CFAP77: variants seen among roughly 807,000 people sequenced by gnomAD.
The protein encoded by CFAP77 is cilia- and flagella-associated protein 77.
Under a neutral mutation model 31.1 loss-of-function variants are expected in CFAP77, and 25 were observed. That is an observed-to-expected ratio of 0.80 (90% CI 0.59 to 1.12). The LOEUF (loss-of-function observed/expected upper bound fraction) is 1.12, where lower values mean the gene tolerates loss of function less well. CFAP77 is among the 50% of genes most tolerant of loss of function. The probability of loss-of-function intolerance (pLI) is 0.00; values close to 1 mark genes in which losing one functional copy is unlikely to be tolerated. For missense variants in CFAP77, 377 were observed against 397.3 expected, an observed-to-expected ratio of 0.95 and a Z score of 0.44; for synonymous variants, 151 against 159.9, an observed-to-expected ratio of 0.94 and a Z score of 0.42.
chr9:132,451,059 G>A (rs72765874), intron 1 of CFAP77, among the ~76,000 whole-genome samples: 14,532 of 152,134 alleles, frequency 0.096, 721 homozygotes, highest in African/African-American at 0.14. Flanking sequence ...GAATTGGTCC[G>A]GGCACGGTGC....
rs1004564437 is a variant in CFAP77, at chr9:132,460,902, T to C, written c.196-37793T>C. Among the ~76,000 whole-genome samples, 10 of 152,060 alleles carry C rather than the reference T, an allele frequency of 6.6e-5. 1 individual carries two copies. The highest frequency in any genetic ancestry group is 2.4e-4 in the African/African-American group (10 of 41,390). ...CACCACGCCCAGCTAATTTTTGTAT[T>C]TTTAGTAGAGACGGGGTTTCACCAT... is the stretch of plus-strand genomic sequence containing the variant. On this transcript the variant is annotated intron_variant, in intron 1 of 5. Coordinates refer to ENST00000393216, the MANE Select transcript of CFAP77 (RefSeq NM_001282957.2).
Position 132,565,358 on chromosome 9 carries a change from C to G in CFAP77, c.733-7030C>G. Among the ~76,000 whole-genome samples, 1 of 152,062 alleles carries G rather than the reference C, an allele frequency of 6.6e-6. No homozygotes were observed. The highest frequency in any genetic ancestry group is 1.5e-5 in the Non-Finnish European group (1 of 67,992). ...TAAATAGCTCTTGTCGGCCTGGTGC[C>G]GTGGCTCACGCCTGTAATCCCAGCA... On this transcript the variant is annotated intron_variant, in intron 5 of 5. Transcript: ENST00000393216. This position sits in a 1 kb window ranked among gnomAD's most constrained non-coding sequence, Gnocchi z 4.1.
intron 1 of CFAP77, among the ~76,000 whole-genome samples, chr9:132,442,316 C>T (rs994502339): frequency 6.6e-6 from 1 of 152,232 alleles, no homozygotes; most frequent in East Asian, 1.9e-4. Flanking sequence ...TTTGGGAGGC[C>T]AAGGCACACA....
rs1181097969 is a variant in CFAP77, at chr9:132,497,689, C to T, written c.196-1006C>T. ...GTCGGATCTCTCTGTGCCTCAGCTT[C>T]CCCCTGAGAAACGGGGATGGTAATG... On this transcript the variant is annotated intron_variant, in intron 1 of 5. Transcript: ENST00000393216. The surrounding 1 kb of genome is among the most constrained non-coding windows in gnomAD (Gnocchi z 4.9). 6.6e-6 allele frequency among the ~76,000 whole-genome samples: 1 copy of T among 152,120 alleles called. No homozygotes were observed. The highest frequency in any genetic ancestry group is 1.5e-5 in the Non-Finnish European group (1 of 68,006).
rs1206340891 is a variant in CFAP77 at position 132,486,088 on chromosome 9, A to ATTT, written c.196-12606_196-12605insTTT. Among the ~76,000 whole-genome samples the ATTT allele has an allele frequency of 9.5e-4, 27 of 28,518 alleles. 2 individuals are homozygous for ATTT. Among genetic ancestry groups the ATTT allele is most frequent in the African/African-American group, 3.7e-3 (11 of 2,962 alleles). The allele number at this position is 28,518 out of a possible 152,430, so 18.7% of individuals were successfully genotyped here. On this transcript the variant is annotated intron_variant, in intron 1 of 5. Transcript: ENST00000393216. ...TGTGTATATATATATATATATATAT[A>ATTT]TATTTTTTTTTTTTTTTTTTTTGAG...
At chr9:132,525,353 T>C (rs1293583481) in intron 3 of CFAP77, among the ~76,000 whole-genome samples, 2 of 152,198 alleles carry the variant, frequency 1.3e-5, no homozygotes, top group South Asian at 2.1e-4. Context: ...TATTTTTCTA[T>C]AAAAGTATAA....
intron 1 of CFAP77, among the ~76,000 whole-genome samples, chr9:132,469,253 C>T (rs932151504): frequency 1.1e-4 from 17 of 152,208 alleles, no homozygotes; most frequent in African/African-American, 3.1e-4. Context: ...TTCCCCCAAG[C>T]GCCTTACAAA....
intron 1 of CFAP77, among the ~76,000 whole-genome samples, chr9:132,459,587 G>GTA (rs35659490): frequency 3.5e-3 from 529 of 151,586 alleles, no homozygotes; most frequent in African/African-American, 9.8e-3. Context: ...GTATGTGTAT[G>GTA]TATATATATA....
intron 1 of CFAP77, among the ~76,000 whole-genome samples, chr9:132,488,546 C>T (rs545464266): frequency 6.6e-6 from 1 of 152,164 alleles, no homozygotes; most frequent in Admixed American, 6.5e-5. Context: ...GCGGGTCACT[C>T]GTTTTGAAGA....
intron 5 of CFAP77, among the ~76,000 whole-genome samples, chr9:132,547,108 C>G (rs1852745017): frequency 6.6e-6 from 1 of 152,216 alleles, no homozygotes; most frequent in South Asian, 2.1e-4. Context: ...CTGATGCCCT[C>G]TGTGCCCTGT....
rs534677636 is a variant in CFAP77 at position 132,429,513 on chromosome 9, A to G, written c.195+19047A>G. Among the ~76,000 whole-genome samples, 22 of 130,684 alleles carry G rather than the reference A, an allele frequency of 1.7e-4. No homozygotes were observed. In the East Asian group the frequency reaches 4.0e-3, roughly 24 times the overall value. The allele number at this position is 130,684 out of a possible 152,430, so 85.7% of individuals were successfully genotyped here. Reference sequence around the variant, plus strand: ...AGATCGCACCACCGCACTCTAGCCCAGGTGACAGAACGAGACTTCAACTCA... The same window carrying G: ...AGATCGCACCACCGCACTCTAGCCCGGGTGACAGAACGAGACTTCAACTCA... On this transcript the variant is annotated intron_variant, in intron 1 of 5. Transcript: ENST00000393216.
intron 5 of CFAP77, among the ~76,000 whole-genome samples, chr9:132,549,754 G>A (rs1390273819): frequency 6.6e-6 from 1 of 152,118 alleles, no homozygotes; most frequent in Non-Finnish European, 1.5e-5. Flanking sequence ...CAGAAGAATC[G>A]CTTGAGCCAC....
intron 1 of CFAP77, among the ~76,000 whole-genome samples, chr9:132,467,733 C>T (rs1851179947): frequency 6.6e-6 from 1 of 152,124 alleles, no homozygotes; most frequent in African/African-American, 2.4e-5. Context: ...GGTAGAATCA[C>T]ACGGTAATTC....
intron 1 of CFAP77, among the ~76,000 whole-genome samples, chr9:132,472,432 C>T (rs1282059271): frequency 6.6e-6 from 1 of 152,168 alleles, no homozygotes; most frequent in East Asian, 1.9e-4. Context: ...TAAGTGTGCT[C>T]ATGATGTAGG....
chr9:132,456,427 A>G (rs1389577926), intron 1 of CFAP77, among the ~76,000 whole-genome samples: 2 of 152,184 alleles, frequency 1.3e-5, no homozygotes, highest in Admixed American at 6.5e-5. Context: ...CCTCCTTGGT[A>G]TGGCGCCAGG....
intron 5 of CFAP77, among the ~76,000 whole-genome samples, chr9:132,560,587 G>A (rs1447384708): frequency 6.6e-6 from 1 of 152,192 alleles, no homozygotes; most frequent in Non-Finnish European, 1.5e-5. Flanking sequence ...CATTTTCAAA[G>A]GCACAAATGC....
chr9:132,474,443 T>C (rs1327237439), intron 1 of CFAP77, among the ~76,000 whole-genome samples: 1 of 152,148 alleles, frequency 6.6e-6, no homozygotes, highest in Non-Finnish European at 1.5e-5. Context: ...GGGATAAATG[T>C]GGGGGCTGGT....
chr9:132,457,073 G>A (rs1412916850), intron 1 of CFAP77, among the ~76,000 whole-genome samples: 1 of 152,152 alleles, frequency 6.6e-6, no homozygotes, highest in African/African-American at 2.4e-5. Context: ...GGCCCCTACT[G>A]GGACAGCAAC....
intron 1 of CFAP77, among the ~76,000 whole-genome samples, chr9:132,456,027 A>T (rs1347329206): frequency 6.6e-6 from 1 of 152,214 alleles, no homozygotes; most frequent in Non-Finnish European, 1.5e-5. Flanking sequence ...TGGCGATTCA[A>T]TGAGGAAATG....
Sources: gnomAD v4.1 joint callset for allele counts (sites outside exome capture counted in the v4.1 genomes callset) on GRCh38, gnomAD v4.1.1 for gene constraint, Gnocchi (gnomAD v3.1) non-coding constraint, MANE v1.5 for transcripts, NCBI Gene and HGNC (gene_info 2026-07-23, HGNC 2026-07-21) for gene names.